UGT1A7: variants seen among roughly 807,000 people sequenced by gnomAD.
The protein encoded by UGT1A7 is UDP glucuronosyltransferase family 1 member A7.
UGT1A7 carries 33 observed loss-of-function variants against 45.6 expected under a neutral mutation model. The observed-to-expected ratio is 0.72, with a 90% confidence interval of 0.55 to 0.97. The LOEUF is 0.97. UGT1A7 is among the 50% of genes least tolerant of loss of function. The pLI is 0.00. For missense variants in UGT1A7, 684 were observed against 666.2 expected (o/e 1.03, Z -0.29); for synonymous variants, 274 against 250.6 (o/e 1.09, Z -0.88).
chr2:233,768,108 G>A (rs1445815158), intron 3 of UGT1A7, 112 bp from the exon 4 acceptor site: 1 of 1,594,814 alleles, frequency 6.3e-7, no homozygotes, highest in Non-Finnish European at 8.6e-7. Flanking sequence ...GCAAATTTCT[G>A]CAAGGGCATG....
chr2:233,752,472 A>C (rs185071344), intron 1 of UGT1A7: 1 of 152,238 alleles, frequency 6.6e-6, no homozygotes, highest in Non-Finnish European at 1.5e-5. Context: ...GGCCTCTAGC[A>C]GTGTTATGTT....
chr2:233,697,829 T>C (rs1462256718), intron 1 of UGT1A7, among the ~76,000 whole-genome samples: 1 of 152,194 alleles, frequency 6.6e-6, no homozygotes, highest in Non-Finnish European at 1.5e-5. Flanking sequence ...CAAGAAAATC[T>C]AATTAAGAAG....
At chr2:233,719,164 C>T in intron 1 of UGT1A7, 1 of 1,614,210 alleles carries the variant, frequency 6.2e-7, no homozygotes, top group Admixed American at 1.7e-5. Flanking sequence ...AGAAGTATGG[C>T]AATTATGAAC....
In UGT1A7 at chr2:233,739,366, G is replaced by T. The variant is rs191477827; in HGVS notation, c.856-27668G>T. 3.4e-3 allele frequency among the ~76,000 whole-genome samples: 523 copies of T among 152,270 alleles called. 13 individuals carry two copies. Among genetic ancestry groups the T allele is most frequent in the East Asian group, 3.5e-3 (18 of 5,178 alleles). On this transcript the variant is annotated intron_variant, in intron 1 of 4. Transcript: ENST00000373426. Reference sequence around the variant, plus strand: ...CCCAGAAGGGCAGATCCAATAGCTTGCACTGTGTGCCTGGAAGAGCCACAG... The same window carrying T: ...CCCAGAAGGGCAGATCCAATAGCTTTCACTGTGTGCCTGGAAGAGCCACAG...
chr2:233,730,377 G>A (rs750998252), intron 1 of UGT1A7, among the ~76,000 whole-genome samples: 101 of 152,334 alleles, frequency 6.6e-4, no homozygotes, highest in Admixed American at 1.4e-3. Flanking sequence ...ATTTTCAGGG[G>A]AAAGATGATG....
rs559276677 is a variant in UGT1A7 at position 233,725,023 on chromosome 2, C to T, written c.856-42011C>T. Among the ~76,000 whole-genome samples the T allele has an allele frequency of 1.0e-4, 15 of 148,462 alleles. 1 individual carries two copies. The highest frequency in any genetic ancestry group is 6.9e-4 in the South Asian group (3 of 4,350). On this transcript the variant is annotated intron_variant, in intron 1 of 4. Coordinates refer to ENST00000373426, the MANE Select transcript of UGT1A7 (RefSeq NM_019077.3). ...ACCGGCCCGGCCAAACAGCAAAACCCGGTCTCCACCAAAACCAGTCAGGCG... is the reference window on the plus strand; with the variant it reads ...ACCGGCCCGGCCAAACAGCAAAACCTGGTCTCCACCAAAACCAGTCAGGCG...
In UGT1A7 at chr2:233,683,609, G is replaced by A. The variant is rs45589132; in HGVS notation, c.855+817G>A. ...AATATGAATCCCTCATTATTTATTC[G>A]GATTCTGTTTTATTTCCATAAATAA... On this transcript the variant is annotated intron_variant, in intron 1 of 4. Coordinates refer to ENST00000373426, the MANE Select transcript of UGT1A7 (RefSeq NM_019077.3). 8.3e-4 allele frequency among the ~76,000 whole-genome samples: 126 copies of A among 151,888 alleles called. 1 individual carries two copies. The highest frequency in any genetic ancestry group is 2.5e-3 in the African/African-American group (104 of 41,430).
intron 1 of UGT1A7, chr2:233,755,008 C>T (rs1695684715): frequency 3.1e-6 from 4 of 1,292,406 alleles, no homozygotes; most frequent in African/African-American, 1.5e-5. Context: ...AAGACCTACT[C>T]GAAGGGGTCC....
At chr2:233,713,061 C>T (rs1420543594) in intron 1 of UGT1A7, 5 of 1,614,008 alleles carry the variant, frequency 3.1e-6, no homozygotes, top group East Asian at 2.2e-5. Context: ...CAGTGTCCAG[C>T]CCTGGGCTGA....
chr2:233,690,687 A>G, intron 1 of UGT1A7: 1 of 1,254,678 alleles, frequency 8.0e-7, no homozygotes, highest in African/African-American at 1.6e-5. Context: ...TCTCCAGCGG[A>G]GCTACTCTTT....
At chr2:233,723,516 C>T (rs1242100621) in intron 1 of UGT1A7, among the ~76,000 whole-genome samples, 34 of 85,382 alleles carry the variant, frequency 4.0e-4, no homozygotes, top group African/African-American at 1.3e-3. Flanking sequence ...GGTCAACAAT[C>T]TTTTTTTTTT....
intron 1 of UGT1A7, chr2:233,743,847 G>C (rs771949487): frequency 2.9e-6 from 4 of 1,367,222 alleles, no homozygotes; most frequent in East Asian, 4.5e-5. Flanking sequence ...GCCAGCTTGC[G>C]GTACGCCTTC....
chr2:233,693,445 T>C (rs1173027816), intron 1 of UGT1A7: 3 of 1,614,012 alleles, frequency 1.9e-6, no homozygotes, highest in South Asian at 2.2e-5. Flanking sequence ...TTGATGCTCT[T>C]TTCACAGACC....
chr2:233,772,145 G>A, intron 4 of UGT1A7, 117 bp from the exon 5 acceptor site: 1 of 1,552,040 alleles, frequency 6.4e-7, no homozygotes, highest in Non-Finnish European at 8.7e-7. Flanking sequence ...AATAGAAACA[G>A]GTTTCCTTTC....
At chr2:233,755,201 G>T (rs745426123) in intron 1 of UGT1A7, 6 of 1,105,450 alleles carry the variant, frequency 5.4e-6, no homozygotes, top group Non-Finnish European at 7.7e-6. Flanking sequence ...CCAGCTTGCG[G>T]TACGCCTTCT....
intron 1 of UGT1A7, among the ~76,000 whole-genome samples, chr2:233,733,605 C>T (rs2125780479): frequency 6.6e-6 from 1 of 152,304 alleles, no homozygotes; most frequent in East Asian, 1.9e-4. Flanking sequence ...TGATGGATTA[C>T]ATTTATTGAT....
intron 1 of UGT1A7, chr2:233,719,812 CAG>C: frequency 6.3e-7 from 1 of 1,587,558 alleles, no homozygotes; most frequent in Non-Finnish European, 8.6e-7. Flanking sequence ...TTCTTTATAA[CAG>C]ATAAACTGTT....
chr2:233,695,457 T>C (rs1007830412), intron 1 of UGT1A7, among the ~76,000 whole-genome samples: 32 of 151,984 alleles, frequency 2.1e-4, no homozygotes, highest in Middle Eastern at 3.4e-3. Flanking sequence ...ATCAACGTGC[T>C]TTATTGGCCC....
At chr2:233,723,476 C>T (rs1238335619) in intron 1 of UGT1A7, among the ~76,000 whole-genome samples, 1 of 136,266 alleles carries the variant, frequency 7.3e-6, no homozygotes, top group African/African-American at 2.9e-5. Flanking sequence ...TCCCAAAGTG[C>T]TAGGATTCCA....
Sources: allele counts gnomAD v4.1 joint callset (sites outside exome capture counted in the v4.1 genomes callset), GRCh38; gene constraint gnomAD v4.1.1; transcripts MANE v1.5; gene names NCBI Gene and HGNC (gene_info 2026-07-23, HGNC 2026-07-21).